Variants in STYXL1 observed in about 807,000 individuals in gnomAD.
STYXL1 encodes the protein serine/threonine/tyrosine-interacting-like protein 1.
In STYXL1, 32 loss-of-function variants were observed where a neutral mutation model predicts 36.4. That is an observed-to-expected ratio of 0.88 (90% CI 0.66 to 1.18). The LOEUF is 1.18. Ranked by LOEUF, STYXL1 falls within the 50% of genes most tolerant of loss-of-function variation. The pLI, the probability that STYXL1 is intolerant of heterozygous loss-of-function variation, is 0.00. For synonymous variants in STYXL1, 133 were observed against 144.1 expected, an observed-to-expected ratio of 0.92 and a Z score of 0.55; for missense variants, 354 against 394.1, an observed-to-expected ratio of 0.90 and a Z score of 0.86.
At chr7:76,046,587 T>C (rs1797115200) in intron 1 of STYXL1, among the ~76,000 whole-genome samples, 1 of 151,394 alleles carries the variant, frequency 6.6e-6, no homozygotes, top group Non-Finnish European at 1.5e-5. Context: ...CCTCAGGTGA[T>C]CTGCCCGCCT....
chr7:76,039,848 C>T (rs954905171), intron 1 of STYXL1, among the ~76,000 whole-genome samples: 3 of 152,022 alleles, frequency 2.0e-5, no homozygotes, highest in South Asian at 2.1e-4. Context: ...GGTTTCACCA[C>T]GTTGGCCAGC....
intron 8 of STYXL1, chr7:76,000,485 G>A (rs782158710): frequency 3.5e-5 from 16 of 458,506 alleles, no homozygotes; most frequent in South Asian, 1.4e-4. Context: ...GGTTTGCTGC[G>A]ATGGGTCCCT....
intron 6 of STYXL1, 79 bp downstream of exon 6, chr7:76,005,179 TA>T (rs1157323128): frequency 2.0e-4 from 180 of 909,856 alleles, no homozygotes; most frequent in Admixed American, 2.4e-4. Flanking sequence ...ATAATAAAAT[TA>T]AAAAAAATAA....
At chr7:76,026,991 A>C (rs1794788038) in intron 3 of STYXL1, among the ~76,000 whole-genome samples, 1 of 152,118 alleles carries the variant, frequency 6.6e-6, no homozygotes, top group Non-Finnish European at 1.5e-5. Context: ...TGAACCTGGG[A>C]GGCAGAGGTT....
chr7:76,001,326 T>C (rs1354420124), intron 7 of STYXL1, among the ~76,000 whole-genome samples: 1 of 152,152 alleles, frequency 6.6e-6, no homozygotes, highest in African/African-American at 2.4e-5. Flanking sequence ...GACAGGACCA[T>C]CGTCATCCCA....
chr7:76,038,252 G>A (rs1049592989), intron 1 of STYXL1, among the ~76,000 whole-genome samples: 4 of 148,618 alleles, frequency 2.7e-5, no homozygotes, highest in Admixed American at 1.3e-4. Flanking sequence ...ACAGGGTCTC[G>A]CTTCCGGAAG....
At chr7:76,034,611 T>TA (rs1395854174) in intron 1 of STYXL1, among the ~76,000 whole-genome samples, 11 of 152,230 alleles carry the variant, frequency 7.2e-5, no homozygotes, top group Middle Eastern at 3.4e-3. Context: ...CACTCTAGGG[T>TA]AGGGGGTTTC....
intron 4 of STYXL1, 122 bp from the exon 5 acceptor site, chr7:76,014,009 C>A: frequency 9.5e-7 from 1 of 1,054,376 alleles, no homozygotes. Flanking sequence ...GACAGAGTCT[C>A]ACTCTGTCGC....
At position 76,018,227 on chromosome 7, in the gene STYXL1, C is replaced by A. The variant is rs144535772; in HGVS notation, c.307+3624G>T. Among the ~76,000 whole-genome samples, 3 of 152,074 alleles carry A rather than the reference C, an allele frequency of 2.0e-5. No individual in the cohort carries two copies. The South Asian group carries it at 6.2e-4, about 32-fold the overall frequency. On this transcript the variant is annotated intron_variant, in intron 4 of 8. Transcript: ENST00000359697. The stretch of plus-strand genomic sequence containing the variant: ...CCCTGTACCACTAATCAGCCACACC[C>A]GTTTTTCCCCAAACTCCCAGCTCCA...
chr7:76,021,526 T>A (rs1304776234), intron 4 of STYXL1, among the ~76,000 whole-genome samples: 1 of 152,094 alleles, frequency 6.6e-6, no homozygotes, highest in Non-Finnish European at 1.5e-5. Context: ...AGGAGCTGAC[T>A]CACCAAAGAA....
chr7:76,026,949 T>G (rs1794783663), intron 3 of STYXL1, among the ~76,000 whole-genome samples: 2 of 151,904 alleles, frequency 1.3e-5, no homozygotes, highest in African/African-American at 4.8e-5. Context: ...TAATCCCAGC[T>G]ACAGGCTGGA....
intron 5 of STYXL1, among the ~76,000 whole-genome samples, chr7:76,005,683 G>C (rs1489663833): frequency 6.6e-6 from 1 of 152,120 alleles, no homozygotes. Context: ...TTGGCCAGGT[G>C]CACAAAGGTT....
rs782073227 is a variant in STYXL1 at position 75,996,609 on chromosome 7, C to G, written c.811-10G>C. On this transcript the variant is annotated splice_polypyrimidine_tract_variant and intron_variant, in intron 8 of 8. Coordinates refer to ENST00000359697, the MANE Select transcript of STYXL1 (RefSeq NM_001317785.2). ...CATAGGCCCAGGACCTCTATGAATACAAAGAGAGAAAGTGAACTTCACGAT... is the reference window on the plus strand; with the variant it reads ...CATAGGCCCAGGACCTCTATGAATAGAAAGAGAGAAAGTGAACTTCACGAT... 6.2e-7 allele frequency: 1 copy of G among 1,613,758 alleles called. No homozygotes were observed. The highest frequency in any genetic ancestry group is 2.2e-5 in the East Asian group (1 of 44,884).
At chr7:76,005,460 G>C (rs537773833) in intron 5 of STYXL1, 56 bp from the exon 6 acceptor site, 40 of 1,508,232 alleles carry the variant, frequency 2.7e-5, no homozygotes, top group Non-Finnish European at 3.6e-5. Context: ...GAAGAGGGAT[G>C]TCTATCTCTT....
At position 76,011,645 on chromosome 7, in the gene STYXL1, A is replaced by G. The variant is rs562373598; in HGVS notation, c.453+2097T>C. On this transcript the variant is annotated intron_variant, in intron 5 of 8. Coordinates refer to ENST00000359697, the MANE Select transcript of STYXL1 (RefSeq NM_001317785.2). Reference sequence around the variant, plus strand: ...TTTCTGTTTACATTCCATTGTGTTCAGACGCTTCAATAAGCCAGACATCTG... The same window carrying G: ...TTTCTGTTTACATTCCATTGTGTTCGGACGCTTCAATAAGCCAGACATCTG... Among the ~76,000 whole-genome samples, 7 of 152,374 alleles carry G rather than the reference A, an allele frequency of 4.6e-5. 1 individual carries two copies. The South Asian group carries it at 1.4e-3, about 32-fold the overall frequency.
chr7:76,002,263 G>GA (rs1238446134), intron 7 of STYXL1, among the ~76,000 whole-genome samples: 3 of 152,198 alleles, frequency 2.0e-5, no homozygotes, highest in Admixed American at 6.5e-5. Flanking sequence ...GCCTGGCACA[G>GA]AAATATCAGC....
At chr7:76,018,425 C>G (rs1184568005) in intron 4 of STYXL1, among the ~76,000 whole-genome samples, 6 of 151,228 alleles carry the variant, frequency 4.0e-5, no homozygotes, top group Non-Finnish European at 8.8e-5. Context: ...GAGTTTCACT[C>G]TGTTGTCCAG....
intron 1 of STYXL1, among the ~76,000 whole-genome samples, chr7:76,031,740 A>C (rs1187138832): frequency 2.0e-5 from 3 of 152,016 alleles, no homozygotes; most frequent in African/African-American, 7.2e-5. Context: ...TGTGTAGTGA[A>C]ATGTGGGCAG....
At chr7:76,000,640 T>A in intron 8 of STYXL1, 2 of 589,578 alleles carry the variant, frequency 3.4e-6, no homozygotes, top group South Asian at 1.5e-5. Flanking sequence ...CTGACAGCAG[T>A]GGGGGCTGCA....
Sources: allele counts gnomAD v4.1 joint callset (sites outside exome capture counted in the v4.1 genomes callset), GRCh38; gene constraint gnomAD v4.1.1; transcripts MANE v1.5; gene names NCBI Gene and HGNC (gene_info 2026-07-23, HGNC 2026-07-21).